The following CFAP61 variants were observed in gnomAD, a reference collection of about 807,000 sequenced individuals.
The protein encoded by CFAP61 is cilia- and flagella-associated protein 61.
In CFAP61, 107 loss-of-function variants were observed where a neutral mutation model predicts 135.6. The observed-to-expected ratio is 0.79, with a 90% CI of 0.67 to 0.93. The LOEUF is 0.93. Among genes scored for constraint, CFAP61 ranks in the 40% least tolerant of loss-of-function variants. CFAP61 has a pLI of 0.00. For synonymous variants in CFAP61, 575 were observed against 578.5 expected, an observed-to-expected ratio of 0.99 and a Z score of 0.09; for missense variants, 1,507 against 1,556.2, an observed-to-expected ratio of 0.97 and a Z score of 0.53.
intron 18 of CFAP61, among the ~76,000 whole-genome samples, chr20:20,242,541 A>G (rs1014203003): frequency 6.6e-6 from 1 of 152,356 alleles, no homozygotes; most frequent in Non-Finnish European, 1.5e-5. Context: ...GCTTTCTTTC[A>G]TAGCTGGCAC....
At chr20:20,136,083 A>G (rs2050897935) in intron 8 of CFAP61, among the ~76,000 whole-genome samples, 1 of 152,046 alleles carries the variant, frequency 6.6e-6, no homozygotes, top group Admixed American at 6.6e-5. Context: ...CAAGGTATCC[A>G]CTGAAAAGTC....
At chr20:20,228,964 A>G (rs1601516216) in intron 18 of CFAP61, among the ~76,000 whole-genome samples, 1 of 152,346 alleles carries the variant, frequency 6.6e-6, no homozygotes, top group East Asian at 1.9e-4. Flanking sequence ...GACTTCATAC[A>G]TTACAAATAC....
intron 2 of CFAP61, among the ~76,000 whole-genome samples, chr20:20,057,139 A>G (rs1289346106): frequency 6.6e-6 from 1 of 151,532 alleles, no homozygotes; most frequent in African/African-American, 2.4e-5. Flanking sequence ...AAAAAAAAAA[A>G]AAGAAGGTTC....
intron 2 of CFAP61, among the ~76,000 whole-genome samples, chr20:20,062,186 A>G (rs1409733042): frequency 6.6e-6 from 1 of 152,164 alleles, no homozygotes; most frequent in African/African-American, 2.4e-5. Context: ...GGCACACCCC[A>G]GCCCCTTTGG....
intron 9 of CFAP61, among the ~76,000 whole-genome samples, chr20:20,151,384 A>G (rs1282690659): frequency 6.6e-6 from 1 of 151,982 alleles, no homozygotes; most frequent in East Asian, 1.9e-4. Context: ...CAAAGCCTCC[A>G]AGAAATTTGG....
intron 21 of CFAP61, among the ~76,000 whole-genome samples, chr20:20,270,339 A>G (rs2424306): frequency 0.46 from 70,091 of 151,966 alleles, 17,220 homozygotes; most frequent in Middle Eastern, 0.58. Flanking sequence ...CCATGAAATG[A>G]CAGCAGAGCA....
At chr20:20,208,674 CCATGATG>C (rs1172120148) in intron 17 of CFAP61, among the ~76,000 whole-genome samples, 7 of 152,226 alleles carry the variant, frequency 4.6e-5, no homozygotes, top group Non-Finnish European at 1.0e-4. Flanking sequence ...GGAGGCAACT[CCATGATG>C]CAGGAGATGC....
Position 20,142,896 on chromosome 20 carries a change from TAGTCG to T in CFAP61, c.902_906del (p.Val301GlyfsTer37), listed in dbSNP as rs2051527984. ...AGTAGCAGCCAAGGTTCCCAAAAAA[TAGTCG>T]AGGAGTTGCAGGAACCTGTCTCTCC... On this transcript the variant is annotated frameshift_variant, in exon 9 of 27. Coordinates refer to ENST00000245957, the MANE Select transcript of CFAP61 (RefSeq NM_015585.4). LOFTEE classifies it high-confidence loss of function. 1.2e-6 allele frequency: 2 copies of T among 1,605,526 alleles called. No homozygotes were observed. The highest frequency in any genetic ancestry group is 4.5e-5 in the East Asian group (2 of 44,706).
At position 20,277,762 on chromosome 20, in the gene CFAP61, G is replaced by A. The variant is rs570765666; in HGVS notation, c.2796+304G>A. ...CTCACTTGAGGTCGCTCATGCGGCT[G>A]AAGTCAGCAGTGGGTGGGCTGGAAT... On this transcript the variant is annotated intron_variant, in intron 22 of 26. Transcript: ENST00000245957. 3.3e-5 allele frequency among the ~76,000 whole-genome samples: 5 copies of A among 152,038 alleles called. No individual in the cohort carries two copies. In the South Asian group the frequency reaches 1.0e-3, roughly 32 times the overall value.
rs751359843 is a variant in CFAP61 at position 20,289,016 on chromosome 20, CT to C, written c.3124+81del. The stretch of plus-strand genomic sequence containing the variant: ...GCAGTCAGGCCAGTCCTCCAGGTTT[CT>C]CTTAGGCTTGGGGAAAAGGCTCCTC... On this transcript the variant is annotated intron_variant, in intron 23 of 26. Coordinates refer to ENST00000245957, the MANE Select transcript of CFAP61 (RefSeq NM_015585.4). 4.4e-4 allele frequency: 523 copies of C among 1,177,752 alleles called. 1 individual carries two copies. The highest frequency in any genetic ancestry group is 3.5e-4 in the Non-Finnish European group (296 of 842,038). 73.0% of individuals were successfully genotyped at this position (1,177,752 alleles called of 1,614,324 possible).
At chr20:20,211,813 A>G (rs2047664314) in intron 17 of CFAP61, among the ~76,000 whole-genome samples, 1 of 152,202 alleles carries the variant, frequency 6.6e-6, no homozygotes, top group Admixed American at 6.5e-5. Context: ...GTATTTAACC[A>G]AAAAGAGCTG....
chr20:20,318,944 C>G (rs2057291723), intron 25 of CFAP61, among the ~76,000 whole-genome samples: 1 of 152,234 alleles, frequency 6.6e-6, no homozygotes, highest in Admixed American at 6.5e-5. Context: ...TCCTCCACCA[C>G]AGTTCATAAC....
chr20:20,189,403 T>C (rs965476435), intron 14 of CFAP61, among the ~76,000 whole-genome samples: 9 of 148,738 alleles, frequency 6.1e-5, no homozygotes, highest in African/African-American at 2.2e-4. Context: ...TTTCTGGGAG[T>C]CTGCAAGGTA....
At chr20:20,178,719 G>A (rs6046702) in intron 13 of CFAP61, among the ~76,000 whole-genome samples, 2,288 of 152,018 alleles carry the variant, frequency 0.015, 38 homozygotes, top group Middle Eastern at 0.058. Flanking sequence ...TCTGTGAGTG[G>A]CTCACACAGA....
At chr20:20,326,840 T>C (rs2057767083) in intron 25 of CFAP61, among the ~76,000 whole-genome samples, 1 of 152,196 alleles carries the variant, frequency 6.6e-6, no homozygotes, top group Non-Finnish European at 1.5e-5. Context: ...TTATAAAAAT[T>C]ATTTTTGGAA....
chr20:20,311,649 C>T (rs887369861), intron 25 of CFAP61, among the ~76,000 whole-genome samples: 1 of 151,932 alleles, frequency 6.6e-6, no homozygotes, highest in African/African-American at 2.4e-5. Context: ...GAGACCAAGG[C>T]AGGTGGAGTT....
intron 3 of CFAP61, among the ~76,000 whole-genome samples, chr20:20,073,643 A>G (rs539591899): frequency 1.7e-4 from 26 of 152,136 alleles, no homozygotes; most frequent in African/African-American, 6.0e-4. Flanking sequence ...CCATTTACTC[A>G]TTATTTAGGC....
intron 4 of CFAP61, among the ~76,000 whole-genome samples, chr20:20,074,933 A>G (rs1169446278): frequency 6.6e-6 from 1 of 152,204 alleles, no homozygotes; most frequent in East Asian, 1.9e-4. Context: ...CTGGTGTGCC[A>G]TATGAACATG....
At chr20:20,134,496 A>C (rs772794640) in intron 8 of CFAP61, among the ~76,000 whole-genome samples, 13 of 152,350 alleles carry the variant, frequency 8.5e-5, no homozygotes, top group Non-Finnish European at 1.8e-4. Flanking sequence ...GTGATGATGA[A>C]CCATTGGAAA....
Sources: allele counts gnomAD v4.1 joint callset (sites outside exome capture counted in the v4.1 genomes callset), GRCh38; gene constraint gnomAD v4.1.1; transcripts MANE v1.5; gene names NCBI Gene and HGNC (gene_info 2026-07-23, HGNC 2026-07-21).